The following PCNT variants were observed in gnomAD, a reference collection of about 807,000 sequenced individuals.
PCNT encodes pericentrin, also known as kendrin.
PCNT carries 319 observed loss-of-function variants against 380.4 expected under a neutral mutation model. The observed-to-expected ratio is 0.84, with a 90% confidence interval of 0.77 to 0.92. PCNT has a LOEUF of 0.92. Among genes scored for constraint, PCNT ranks in the 40% least tolerant of loss-of-function variants. The probability of loss-of-function intolerance (pLI) is 0.00; values close to 1 mark genes in which losing one functional copy is unlikely to be tolerated. For missense variants in PCNT, 4,400 were observed against 4,255.3 expected, an observed-to-expected ratio of 1.03 and a Z score of -0.95; for synonymous variants, 1,845 against 1,735.2, an observed-to-expected ratio of 1.06 and a Z score of -1.57.
chr21:46,403,519 G>T (rs1337757529), intron 27 of PCNT, among the ~76,000 whole-genome samples: 1 of 116,192 alleles, frequency 8.6e-6, no homozygotes, highest in Non-Finnish European at 1.8e-5. Context: ...TGCCCACGCG[G>T]CGTGTGCTCG....
rs747096772 is a variant in PCNT at position 46,431,776 on chromosome 21, T to C, written c.8312T>C (p.Leu2771Pro). Reference protein sequence around the residue: ...LRHERLLTEQLSQRTQEACVH... With the variant: ...LRHERLLTEQPSQRTQEACVH... ...CACGAGCGGCTCCTGACCGAGCAGC[T>C]GAGCCAGAGGACACAGGAGGCTTGC... Residue 2771 changes from leucine (L) to proline (P), a missense_variant, in exon 38 of 47, where the codon CTG (leucine) becomes CCG (proline). Coordinates refer to ENST00000359568, the MANE Select transcript of PCNT (RefSeq NM_006031.6). 2.4e-5 allele frequency: 39 copies of C among 1,613,058 alleles called. No homozygotes were observed. Among genetic ancestry groups the C allele is most frequent in the Non-Finnish European group, 3.1e-5 (37 of 1,180,020 alleles).
intron 32 of PCNT, among the ~76,000 whole-genome samples, chr21:46,423,325 G>C (rs1569287389): frequency 6.6e-6 from 1 of 151,276 alleles, no homozygotes; most frequent in Non-Finnish European, 1.5e-5. Flanking sequence ...CAAGCAGCTT[G>C]GATTACAGGC....
intron 2 of PCNT, among the ~76,000 whole-genome samples, chr21:46,330,126 C>T (rs2083511168): frequency 6.6e-6 from 1 of 152,072 alleles, no homozygotes; most frequent in South Asian, 2.1e-4. Flanking sequence ...GCTTTTTCCC[C>T]CTTTTTTTTG....
In PCNT at chr21:46,388,299, ACTC is replaced by A. The variant is rs749637102; in HGVS notation, c.3465-440_3465-438del. On this transcript the variant is annotated intron_variant, in intron 17 of 46. Transcript: ENST00000359568. This position sits in a 1 kb window ranked among gnomAD's most constrained non-coding sequence, Gnocchi z 4.2. Reference sequence around the variant, plus strand: ...GACACCATCCTCTTCCTGCCACACAACTCCTGTGAATGTGTGGCTGAGGCGTGA... The same window carrying A: ...GACACCATCCTCTTCCTGCCACACAACTGTGAATGTGTGGCTGAGGCGTGA... 1.5e-4 allele frequency among the ~76,000 whole-genome samples: 23 copies of A among 151,472 alleles called. No homozygotes were observed. Among genetic ancestry groups the A allele is most frequent in the Non-Finnish European group, 2.9e-4 (20 of 67,882 alleles).
Position 46,411,421 on chromosome 21 carries a change from C to T in PCNT, c.5348C>T (p.Pro1783Leu). ...CTGCTCTGCTCCCAGGCCGGGGGCC[C>T]TCGTGGGCAGGCCCTACAGGGCGAG... ...SELLCSQAGG[P>L]RGQALQGELE... The change falls in exon 28 of 47, where the codon CCT (proline) becomes CTT (leucine). Residue 1783 changes from proline to leucine, a missense_variant. Pro to Leu is a moderately conservative substitution (Grantham distance 98). Transcript: ENST00000359568. The T allele has an allele frequency of 1.2e-6, 2 of 1,613,030 alleles. No individual in the cohort carries two copies. Among genetic ancestry groups the T allele is most frequent in the Non-Finnish European group, 1.7e-6 (2 of 1,179,874 alleles).
At chr21:46,334,073 C>T (rs1353198625) in intron 2 of PCNT, among the ~76,000 whole-genome samples, 16 of 151,862 alleles carry the variant, frequency 1.1e-4, no homozygotes, top group Non-Finnish European at 1.6e-4. Context: ...GGCGTGGTGG[C>T]GGGCACCCAT....
At chr21:46,434,629 A>G (rs1465430493) in intron 38 of PCNT, among the ~76,000 whole-genome samples, 3 of 152,198 alleles carry the variant, frequency 2.0e-5, no homozygotes, top group Admixed American at 2.0e-4. Context: ...GCAGGGGCTC[A>G]GGCGCTTGCT....
chr21:46,333,260 C>T (rs1475569093), intron 2 of PCNT, among the ~76,000 whole-genome samples: 2 of 151,830 alleles, frequency 1.3e-5, no homozygotes, highest in East Asian at 3.9e-4. Flanking sequence ...GGTGAAACCC[C>T]GATTCTACTA....
intron 1 of PCNT, among the ~76,000 whole-genome samples, chr21:46,324,489 C>T (rs1020169432): frequency 6.6e-6 from 1 of 151,534 alleles, no homozygotes; most frequent in African/African-American, 2.4e-5. Context: ...CCCGCCCCCG[C>T]CGCGGCCACA....
intron 13 of PCNT, among the ~76,000 whole-genome samples, chr21:46,362,044 T>C (rs965992140): frequency 1.3e-5 from 2 of 151,962 alleles, no homozygotes; most frequent in African/African-American, 4.8e-5. Flanking sequence ...CTCTGGAGAG[T>C]GTTGGTTTTC....
At chr21:46,385,507 T>C (rs1427082480) in intron 16 of PCNT, among the ~76,000 whole-genome samples, 1 of 152,378 alleles carries the variant, frequency 6.6e-6, no homozygotes, top group African/African-American at 2.4e-5. Context: ...TGTTTGTGTA[T>C]TCTTTTGTAA....
chr21:46,400,479 G>A (rs985638954), intron 25 of PCNT, among the ~76,000 whole-genome samples: 1 of 145,762 alleles, frequency 6.9e-6, no homozygotes, highest in East Asian at 2.1e-4. Flanking sequence ...AGACACAGAT[G>A]AGAGGAGGAG....
chr21:46,371,184 T>A (rs1351727573), intron 15 of PCNT, among the ~76,000 whole-genome samples: 4 of 150,994 alleles, frequency 2.6e-5, no homozygotes, highest in Non-Finnish European at 4.4e-5. Context: ...GAAAGAAATC[T>A]GCACACAGTA....
rs758110719 is a variant in PCNT at position 46,430,102 on chromosome 21, G to C, written c.7783G>C (p.Val2595Leu). The change falls in exon 36 of 47, where the codon GTG becomes CTG. Residue 2595 changes from valine to leucine, a missense_variant. Physicochemically the swap from Val to Leu is conservative, Grantham distance 32. Coordinates refer to ENST00000359568, the MANE Select transcript of PCNT (RefSeq NM_006031.6). ...TGAAGAGCAAGAGAAGGCAAACAGC[G>C]TGCAGAAGCTCCTGGCGGCGGAGCA... ...LSEEQEKANS[V>L]QKLLAAEQTV... 1.9e-6 allele frequency: 3 copies of C among 1,614,124 alleles called. No individual in the cohort carries two copies. Among genetic ancestry groups the C allele is most frequent in the Non-Finnish European group, 1.7e-6 (2 of 1,180,044 alleles).
chr21:46,434,653 C>T (rs562285650), intron 38 of PCNT, among the ~76,000 whole-genome samples: 2 of 152,350 alleles, frequency 1.3e-5, no homozygotes, highest in East Asian at 1.9e-4. Flanking sequence ...ACGCTTCTCC[C>T]GGGCACCAGA....
At chr21:46,408,725 T>G (rs1204194962) in intron 27 of PCNT, among the ~76,000 whole-genome samples, 1 of 149,782 alleles carries the variant, frequency 6.7e-6, no homozygotes, top group Admixed American at 6.6e-5. Flanking sequence ...GAAAGTTTTT[T>G]TTTTTTTTTT....
At chr21:46,390,530 G>GGT in intron 19 of PCNT, 140 bp from the exon 20 acceptor site, 3 of 856,130 alleles carry the variant, frequency 3.5e-6, no homozygotes, top group East Asian at 4.9e-5. Context: ...GATGTGCTCA[G>GGT]GTCCCGTCAC....
chr21:46,380,946 C>T (rs1220999867), intron 15 of PCNT, among the ~76,000 whole-genome samples: 1 of 152,126 alleles, frequency 6.6e-6, no homozygotes, highest in Non-Finnish European at 1.5e-5. Flanking sequence ...GGGTGGATCA[C>T]TTGAGGTCAG....
chr21:46,345,998 G>GT, intron 3 of PCNT, 130 bp from the exon 4 acceptor site: 1 of 851,502 alleles, frequency 1.2e-6, no homozygotes, highest in South Asian at 1.4e-5. Context: ...CCTTCTGGCC[G>GT]TTGCGAGTGG....
Sources: gnomAD v4.1 joint callset for allele counts (sites outside exome capture counted in the v4.1 genomes callset) on GRCh38, gnomAD v4.1.1 for gene constraint, Gnocchi (gnomAD v3.1) non-coding constraint, MANE v1.5 for transcripts, NCBI Gene and HGNC (gene_info 2026-07-23, HGNC 2026-07-21) for gene names.